PPP1R9B: variants seen among roughly 807,000 people sequenced by gnomAD.
PPP1R9B encodes the protein protein phosphatase 1 regulatory subunit 9B.
PPP1R9B carries 17 observed loss-of-function variants against 75.8 expected under a neutral mutation model. That is an observed-to-expected ratio of 0.22 (90% CI 0.15 to 0.34). The LOEUF is 0.34. PPP1R9B is among the 10% of genes least tolerant of loss of function. PPP1R9B has a pLI of 1.00. For missense variants in PPP1R9B, 875 were observed against 1,196.0 expected (o/e 0.73, Z 3.96); for synonymous variants, 509 against 535.4 (o/e 0.95, Z 0.68).
In PPP1R9B at chr17:50,150,208, G is replaced by C; in HGVS notation, c.306C>G (p.Asn102Lys). ...GCAGGGCGCTGTGGTCCACGTTCTCGTTCAGGCTGCTGGCCCGCGGCAGCG... is the reference window on the plus strand; with the variant it reads ...GCAGGGCGCTGTGGTCCACGTTCTCCTTCAGGCTGCTGGCCCGCGGCAGCG... ...RLSLPRASSLNENVDHSALLK... is the reference protein window; with the variant it reads ...RLSLPRASSLKENVDHSALLK... The change falls in exon 1 of 10, where the codon AAC becomes AAG. Residue 102 changes from asparagine to lysine, a missense_variant. Physicochemically the swap from Asn to Lys is moderately conservative, Grantham distance 94 (BLOSUM62 0). Coordinates refer to ENST00000612501, the MANE Select transcript of PPP1R9B (RefSeq NM_032595.5). This position sits in a 1 kb window ranked among gnomAD's most constrained non-coding sequence, Gnocchi z 8.7. 2.1e-6 allele frequency: 3 copies of C among 1,457,792 alleles called. No individual in the cohort carries two copies. Among genetic ancestry groups the C allele is most frequent in the Non-Finnish European group, 2.7e-6 (3 of 1,103,384 alleles). 90.3% of individuals were successfully genotyped at this position (1,457,792 alleles called of 1,614,324 possible). A position where few individuals can be genotyped will look rare whatever the true frequency, so the allele number is the denominator to read the frequency against.
rs1267745513 is a variant in PPP1R9B at position 50,135,054 on chromosome 17, C to A, written c.*277G>T. 1 of 519,826 alleles carries A rather than the reference C, an allele frequency of 1.9e-6. No homozygotes were observed. Among genetic ancestry groups the A allele is most frequent in the African/African-American group, 1.9e-5 (1 of 52,354 alleles). The allele number at this position is 519,826 out of a possible 1,614,324, so 32.2% of individuals were successfully genotyped here. On this transcript the variant is annotated 3_prime_UTR_variant, in exon 10 of 10. Coordinates refer to ENST00000612501, the MANE Select transcript of PPP1R9B (RefSeq NM_032595.5). Reference sequence around the variant, plus strand: ...GCAGGTGCTTGTGTCCGTCGACCACCAGGCCAGCCCTCGGCAGCCCTCGGC... The same window carrying A: ...GCAGGTGCTTGTGTCCGTCGACCACAAGGCCAGCCCTCGGCAGCCCTCGGC...
chr17:50,135,789 C>G, intron 8 of PPP1R9B, 140 bp from the exon 9 acceptor site: 1 of 902,206 alleles, frequency 1.1e-6, no homozygotes, highest in Non-Finnish European at 1.7e-6. Flanking sequence ...TTTCCCAAAG[C>G]CTCTGGGGGT....
chr17:50,150,215 C>A lies in PPP1R9B; in HGVS notation c.299G>T (p.Ser100Ile). 1 of 1,448,438 alleles carries A rather than the reference C, an allele frequency of 6.9e-7. No individual in the cohort carries two copies. Among genetic ancestry groups the A allele is most frequent in the Non-Finnish European group, 9.1e-7 (1 of 1,096,862 alleles). 89.7% of individuals were successfully genotyped at this position (1,448,438 alleles called of 1,614,324 possible). A position where few individuals can be genotyped will look rare whatever the true frequency, so the allele number is the denominator to read the frequency against. Residue 100 changes from serine to isoleucine, a missense_variant, in exon 1 of 10, where the codon AGC becomes ATC. Physicochemically the swap from Ser to Ile is moderately radical, Grantham distance 142. Coordinates refer to ENST00000612501, the MANE Select transcript of PPP1R9B (RefSeq NM_032595.5). This position sits in a 1 kb window ranked among gnomAD's most constrained non-coding sequence, Gnocchi z 8.7. Reference sequence around the variant, plus strand: ...GCTGTGGTCCACGTTCTCGTTCAGGCTGCTGGCCCGCGGCAGCGACAGGCG... The same window carrying A: ...GCTGTGGTCCACGTTCTCGTTCAGGATGCTGGCCCGCGGCAGCGACAGGCG... The part of the protein sequence containing the change: ...GVRLSLPRAS[S>I]LNENVDHSAL...
chr17:50,135,460 G>T, intron 9 of PPP1R9B, 76 bp from the exon 10 acceptor site: 1 of 1,577,270 alleles, frequency 6.3e-7, no homozygotes, highest in Non-Finnish European at 8.7e-7. Context: ...CCCCGGTGAG[G>T]ACATGGCATC....
chr17:50,135,688 G>A (rs1044285874), intron 8 of PPP1R9B, 39 bp from the exon 9 acceptor site: 11 of 1,542,058 alleles, frequency 7.1e-6, no homozygotes, highest in Non-Finnish European at 1.8e-6. Flanking sequence ...GTAAGGGTGT[G>A]TGGTCTGGCT....
intron 7 of PPP1R9B, among the ~76,000 whole-genome samples, chr17:50,137,895 GC>G (rs1431124047): frequency 6.6e-6 from 1 of 152,110 alleles, no homozygotes; most frequent in Non-Finnish European, 1.5e-5. Flanking sequence ...GAATGCCCCT[GC>G]TTCTGCCCCA....
intron 7 of PPP1R9B, 108 bp from the exon 8 acceptor site, chr17:50,136,305 G>GA: frequency 1.1e-6 from 1 of 878,436 alleles, no homozygotes; most frequent in East Asian, 2.6e-5. Context: ...TACCGTTGTG[G>GA]AGTCCATTGC....
At chr17:50,135,673 G>T in intron 8 of PPP1R9B, 24 bp from the exon 9 acceptor site, 1 of 1,569,746 alleles carries the variant, frequency 6.4e-7, no homozygotes, top group Non-Finnish European at 8.7e-7. Context: ...AGGGACAGAT[G>T]GCAGGTAAGG....
intron 1 of PPP1R9B, among the ~76,000 whole-genome samples, chr17:50,148,236 C>T (rs1403428555): frequency 1.3e-5 from 2 of 152,214 alleles, no homozygotes; most frequent in African/African-American, 2.4e-5. Context: ...CAATAGTGGC[C>T]GTGGGGATGA....
intron 1 of PPP1R9B, among the ~76,000 whole-genome samples, chr17:50,147,117 A>G (rs2144455390): frequency 6.6e-6 from 1 of 152,286 alleles, no homozygotes; most frequent in East Asian, 1.9e-4. Flanking sequence ...CTCTTCTCTC[A>G]GCCTATCAAA....
chr17:50,144,236 G>A (rs1337426872), intron 2 of PPP1R9B, among the ~76,000 whole-genome samples: 12 of 152,072 alleles, frequency 7.9e-5, no homozygotes, highest in Non-Finnish European at 1.5e-4. Context: ...TCCCTCATGG[G>A]GGATGGTACC....
chr17:50,143,471 G>T, intron 3 of PPP1R9B, 127 bp downstream of exon 3: 1 of 1,215,062 alleles, frequency 8.2e-7, no homozygotes, highest in Non-Finnish European at 1.2e-6. Context: ...GAACATCTCA[G>T]CTGCACACAC....
In PPP1R9B at chr17:50,140,063, C is replaced by G. The variant is rs746000265; in HGVS notation, c.1866+30G>C. On this transcript the variant is annotated intron_variant, in intron 5 of 9. Coordinates refer to ENST00000612501, the MANE Select transcript of PPP1R9B (RefSeq NM_032595.5). ...CTTCATCTAGCCACCAGGGGGCGAC[C>G]ACGCGGCCAGCCAGGCAGGGACTCC... 1.9e-6 allele frequency: 3 copies of G among 1,609,320 alleles called. No homozygotes were observed. In the Admixed American group the frequency reaches 5.0e-5, roughly 27 times the overall value.
intron 3 of PPP1R9B, among the ~76,000 whole-genome samples, chr17:50,141,868 C>T (rs866732420): frequency 6.6e-6 from 1 of 152,134 alleles, no homozygotes; most frequent in Non-Finnish European, 1.5e-5. Context: ...CCAGGAGACG[C>T]GGCAGGCACA....
intron 2 of PPP1R9B, among the ~76,000 whole-genome samples, chr17:50,144,215 C>T (rs962803392): frequency 6.6e-6 from 1 of 152,110 alleles, no homozygotes; most frequent in Non-Finnish European, 1.5e-5. Context: ...ATGACCTTCC[C>T]CCACAAACAC....
chr17:50,146,149 G>A (rs1410110787), intron 1 of PPP1R9B: 1 of 152,410 alleles, frequency 6.6e-6, no homozygotes, highest in Non-Finnish European at 1.5e-5. Flanking sequence ...TCTCTCCAAT[G>A]TCTCTCAGCA....
chr17:50,135,839 CG>C, intron 8 of PPP1R9B, 128 bp downstream of exon 8: 4 of 881,802 alleles, frequency 4.5e-6, no homozygotes, highest in Non-Finnish European at 6.9e-6. Flanking sequence ...CATTCCGGAC[CG>C]GGTGTCCCCA....
rs571972613 is a variant in PPP1R9B, at chr17:50,139,475, G to C, written c.1973C>G (p.Ser658Cys). ...FELAENEDAL[S>C]PVDMEPEKLV... Reference sequence around the variant, plus strand: ...CTTCTCGGGCTCCATGTCCACAGGGGACAGTGCATCCTCGTTCTCCGCTAG... The same window carrying C: ...CTTCTCGGGCTCCATGTCCACAGGGCACAGTGCATCCTCGTTCTCCGCTAG... The change falls in exon 6 of 10, where the codon TCC becomes TGC. Residue 658 changes from serine (S) to cysteine (C), a missense_variant. Physicochemically the swap from Ser to Cys is moderately radical, Grantham distance 112 (BLOSUM62 -1). Around this residue, in one of 4 missense-constraint regions of PPP1R9B, gnomAD observed 218 missense variants for 334.6 expected, o/e 0.65. Coordinates refer to ENST00000612501, the MANE Select transcript of PPP1R9B (RefSeq NM_032595.5). The surrounding 1 kb of genome is among the most constrained non-coding windows in gnomAD (Gnocchi z 5.0). The C allele has an allele frequency of 2.5e-6, 4 of 1,605,424 alleles. No homozygotes were observed. The highest frequency in any genetic ancestry group is 3.4e-6 in the Non-Finnish European group (4 of 1,174,354).
At chr17:50,140,065 C>T (rs772266695) in intron 5 of PPP1R9B, 28 bp downstream of exon 5, 6 of 1,609,386 alleles carry the variant, frequency 3.7e-6, no homozygotes, top group African/African-American at 1.3e-5. Context: ...GGGGCGACCA[C>T]GCGGCCAGCC....
Sources: gnomAD v4.1 joint callset for allele counts (sites outside exome capture counted in the v4.1 genomes callset) on GRCh38, gnomAD v4.1.1 for gene constraint, gnomAD v4.1.1 regional missense constraint, Gnocchi (gnomAD v3.1) non-coding constraint, MANE v1.5 for transcripts, NCBI Gene and HGNC (gene_info 2026-07-23, HGNC 2026-07-21) for gene names.